RABEP2: variants seen among roughly 807,000 people sequenced by gnomAD.
RABEP2 encodes the protein rabaptin, RAB GTPase binding effector protein 2.
A neutral mutation model predicts 74.1 loss-of-function variants in RABEP2; 57 were observed. The observed-to-expected ratio is 0.77, with a 90% CI of 0.62 to 0.96. The LOEUF is 0.96. Ranked by LOEUF, RABEP2 falls within the 40% of genes least tolerant of loss-of-function variation. RABEP2 has a pLI of 0.00. For synonymous variants in RABEP2, 351 were observed against 344.0 expected, an observed-to-expected ratio of 1.02 and a Z score of -0.23; for missense variants, 692 against 756.3, an observed-to-expected ratio of 0.91 and a Z score of 1.00.
intron 5 of RABEP2, among the ~76,000 whole-genome samples, chr16:28,913,778 C>CTTT (rs1163826105): frequency 1.1e-4 from 13 of 120,452 alleles, no homozygotes; most frequent in East Asian, 2.3e-4. Context: ...CACCCGGCCT[C>CTTT]TTTTTTTTTT....
chr16:28,904,822 C>A lies in RABEP2; in HGVS notation c.*121G>T. On this transcript the variant is annotated 3_prime_UTR_variant, in exon 13 of 13. Transcript: ENST00000358201. ...CGGGGCGGTGGTGGCCCCCGTCAGT[C>A]CCCTCAACCCCAGTCTCAGGGACGG... 1 of 789,404 alleles carries A rather than the reference C, an allele frequency of 1.3e-6. No homozygotes were observed. The highest frequency in any genetic ancestry group is 1.8e-5 in the South Asian group (1 of 56,090). The allele number at this position is 789,404 out of a possible 1,614,324, so 48.9% of individuals were successfully genotyped here.
chr16:28,912,044 A>G lies in RABEP2; in HGVS notation c.895-865T>C, dbSNP rs191765641. 4.6e-3 allele frequency among the ~76,000 whole-genome samples: 693 copies of G among 152,144 alleles called. 4 individuals are homozygous for G. The highest frequency in any genetic ancestry group is 0.016 in the African/African-American group (650 of 41,522). On this transcript the variant is annotated intron_variant, in intron 5 of 12. Transcript: ENST00000358201. ...GGCGGATCACGAGGTCAGGAGATCG[A>G]GACCATCCTGGCTAACATGGTGAAA...
At position 28,918,120 on chromosome 16, in the gene RABEP2, G is replaced by GGGACTGC. The variant is rs1460571725; in HGVS notation, c.432+1659_432+1665dup. Among the ~76,000 whole-genome samples, 48 of 140,754 alleles carry GGGACTGC rather than the reference G, an allele frequency of 3.4e-4. 1 individual carries two copies. The South Asian group carries it at 9.8e-3, about 29-fold the overall frequency. The allele number at this position is 140,754 out of a possible 152,430, so 92.3% of individuals were successfully genotyped here. ...CGGAGTCTCGCTCTGTCGCCCAGGT[G>GGGACTGC]GGACTGCGGACTGCAGTGGCGCAAT... On this transcript the variant is annotated intron_variant, in intron 3 of 12. Transcript: ENST00000358201.
chr16:28,908,490 A>G (rs890893583), intron 8 of RABEP2, 119 bp downstream of exon 8: 48 of 1,114,356 alleles, frequency 4.3e-5, no homozygotes, highest in Non-Finnish European at 5.8e-5. Context: ...AGAGAAGGCA[A>G]ATGAGTTAGC....
Position 28,911,123 on chromosome 16 carries a change from T to C in RABEP2, c.951A>G (p.Gln317=), listed in dbSNP as rs756556880. Residue 317 remains glutamine, a synonymous_variant, in exon 6 of 13, where the codon CAA becomes CAG. Coordinates refer to ENST00000358201, the MANE Select transcript of RABEP2 (RefSeq NM_024816.3). ...CCTCATTGCTCCGTCTCAGGCCCTC[T>C]TGGAGCTCGTCCCGCTCGCGACTGA... The part of the protein sequence containing the change: ...ESVSRERDEL[Q]EGLRRSNEDC... 1.1e-5 allele frequency: 18 copies of C among 1,613,206 alleles called. No individual in the cohort carries two copies. The South Asian group carries it at 1.9e-4, about 17-fold the overall frequency.
At chr16:28,921,647 A>ATTT (rs56325875) in intron 2 of RABEP2, among the ~76,000 whole-genome samples, 1 of 113,404 alleles carries the variant, frequency 8.8e-6, no homozygotes, top group African/African-American at 3.5e-5. Flanking sequence ...TAGAACATAG[A>ATTT]TTTTTTTTTT....
chr16:28,920,520 G>A (rs1318824778), intron 2 of RABEP2, among the ~76,000 whole-genome samples: 1 of 151,718 alleles, frequency 6.6e-6, no homozygotes, highest in Non-Finnish European at 1.5e-5. Flanking sequence ...TGTGTAGCTG[G>A]GATTACAGGC....
chr16:28,924,936 G>T, intron 1 of RABEP2, 167 bp downstream of exon 1: 1 of 913,120 alleles, frequency 1.1e-6, no homozygotes, highest in Non-Finnish European at 1.7e-6. Flanking sequence ...TTCAATGGCC[G>T]GGCCACGCCC....
At chr16:28,908,586 C>T (rs752721301) in intron 8 of RABEP2, 23 bp downstream of exon 8, 1 of 1,586,324 alleles carries the variant, frequency 6.3e-7, no homozygotes, top group African/African-American at 1.3e-5. Context: ...GCTCCAGGCT[C>T]TCAGTGCCCA....
chr16:28,914,224 C>A lies in RABEP2; in HGVS notation c.894+12G>T. Reference sequence around the variant, plus strand: ...GGATGGTACACCCCGCCACCCTGCCCACAACACTCACCTCTGTCTGCAGCT... The same window carrying A: ...GGATGGTACACCCCGCCACCCTGCCAACAACACTCACCTCTGTCTGCAGCT... On this transcript the variant is annotated intron_variant, in intron 5 of 12. Transcript: ENST00000358201. 1.3e-6 allele frequency: 2 copies of A among 1,575,626 alleles called. No homozygotes were observed. The highest frequency in any genetic ancestry group is 8.6e-7 in the Non-Finnish European group (1 of 1,160,796).
rs768678490 is a variant in RABEP2, at chr16:28,905,058, C to A, written c.1609-14G>T. 2 of 1,592,040 alleles carry A rather than the reference C, an allele frequency of 1.3e-6. No individual in the cohort carries two copies. Among genetic ancestry groups the A allele is most frequent in the Non-Finnish European group, 1.7e-6 (2 of 1,172,340 alleles). ...CTCTAGGCGCACCTGCCGGATCGGACGAGGGGAGCAGAGTGCACTTGTGGG... is the reference window on the plus strand; with the variant it reads ...CTCTAGGCGCACCTGCCGGATCGGAAGAGGGGAGCAGAGTGCACTTGTGGG... On this transcript the variant is annotated splice_polypyrimidine_tract_variant and intron_variant, in intron 12 of 12. Coordinates refer to ENST00000358201, the MANE Select transcript of RABEP2 (RefSeq NM_024816.3).
rs201447194 is a variant in RABEP2, at chr16:28,914,340, C to A, written c.790G>T (p.Ala264Ser). 6.2e-7 allele frequency: 1 copy of A among 1,613,264 alleles called. No individual in the cohort carries two copies. Among genetic ancestry groups the A allele is most frequent in the South Asian group, 1.1e-5 (1 of 91,074 alleles). Residue 264 changes from alanine (A) to serine (S), a missense_variant, in exon 5 of 13, where the codon GCC becomes TCC. Transcript: ENST00000358201. ...AGGGTGCCCGTAGACACCAGCGAGG[C>A]CGTCTCTTCCTGTTCAGGGCTCAGG... is the stretch of plus-strand genomic sequence containing the variant. The part of the protein sequence containing the change: ...QGLSPEQEET[A>S]SLVSTGTLVP...
intron 11 of RABEP2, 37 bp downstream of exon 11, chr16:28,905,667 G>C: frequency 6.2e-7 from 1 of 1,607,910 alleles, no homozygotes; most frequent in Non-Finnish European, 8.5e-7. Flanking sequence ...CCACAGCTGG[G>C]TCCCTCTCCT....
chr16:28,924,537 A>C lies in RABEP2; in HGVS notation c.140T>G (p.Leu47Arg), dbSNP rs1257836342. Residue 47 changes from leucine (L) to arginine (R), a missense_variant, in exon 2 of 13, where the codon CTG (leucine) becomes CGG (arginine). Coordinates refer to ENST00000358201, the MANE Select transcript of RABEP2 (RefSeq NM_024816.3). ...TTCCATTTCTGCCAGGGCGCCTGCC[A>C]GCTCAGCCCGAAGCCGGCTGAGCTC... is the stretch of plus-strand genomic sequence containing the variant. ...SGELSRLRAE[L>R]AGALAEMETM... 6.2e-7 allele frequency: 1 copy of C among 1,613,982 alleles called. No homozygotes were observed.
At position 28,912,194 on chromosome 16, in the gene RABEP2, C is replaced by T. The variant is rs1410076209; in HGVS notation, c.895-1015G>A. ...CCGGTAGGTGGAGCTAGCAGTGAGC[C>T]GAGAACCACACCACTGCACTCCAGC... On this transcript the variant is annotated intron_variant, in intron 5 of 12. Transcript: ENST00000358201. Among the ~76,000 whole-genome samples the T allele has an allele frequency of 1.3e-4, 8 of 59,832 alleles. 1 individual carries two copies. The South Asian group carries it at 3.8e-3, about 28-fold the overall frequency. The allele number at this position is 59,832 out of a possible 152,430, so 39.3% of individuals were successfully genotyped here.
intron 3 of RABEP2, among the ~76,000 whole-genome samples, chr16:28,916,760 C>T (rs940537733): frequency 6.6e-6 from 1 of 151,142 alleles, no homozygotes; most frequent in African/African-American, 2.4e-5. Flanking sequence ...CCAAGGTGGG[C>T]CGATCACAAG....
At chr16:28,924,278 G>A in intron 2 of RABEP2, 125 bp downstream of exon 2, 1 of 923,516 alleles carries the variant, frequency 1.1e-6, no homozygotes, top group African/African-American at 1.6e-5. Context: ...TGGGCCATAG[G>A]CATGCCCTGT....
rs545718664 is a variant in RABEP2 at position 28,911,204 on chromosome 16, T to C, written c.895-25A>G. 3.7e-6 allele frequency: 6 copies of C among 1,600,596 alleles called. No homozygotes were observed. In the East Asian group the frequency reaches 8.9e-5, roughly 24 times the overall value. On this transcript the variant is annotated intron_variant, in intron 5 of 12. Transcript: ENST00000358201. ...CCTGCCACAGACCCTGCCTTCAGCC[T>C]GCATCTCCCAGGAACTTGGCCCCCC...
chr16:28,907,783 C>G (rs1463871455), intron 8 of RABEP2, among the ~76,000 whole-genome samples: 1 of 151,710 alleles, frequency 6.6e-6, no homozygotes, highest in Non-Finnish European at 1.5e-5. Context: ...ATTACAGGCA[C>G]GAGCCACCAC....
Sources: allele counts gnomAD v4.1 joint callset (sites outside exome capture counted in the v4.1 genomes callset), GRCh38; gene constraint gnomAD v4.1.1; transcripts MANE v1.5; gene names NCBI Gene and HGNC (gene_info 2026-07-23, HGNC 2026-07-21).